Variants in ANXA8 observed in about 807,000 individuals in gnomAD.
ANXA8 encodes the protein VAC-beta.
A neutral mutation model predicts 26.8 loss-of-function variants in ANXA8; 9 were observed. The observed-to-expected ratio is 0.34, with a 90% confidence interval of 0.20 to 0.59. The LOEUF (loss-of-function observed/expected upper bound fraction) is 0.59. Ranked by LOEUF, ANXA8 falls within the 20% of genes least tolerant of loss-of-function variation. ANXA8 has a pLI of 0.84. For missense variants in ANXA8, 83 were observed against 238.5 expected (o/e 0.35, Z 4.29); for synonymous variants, 39 against 94.8 (o/e 0.41, Z 3.42).
At chr10:47,671,976 A>G in the ANXA8 span, among the ~76,000 whole-genome samples, 5 of 151,806 alleles carry the variant, frequency 3.3e-5, no homozygotes, top group South Asian at 6.2e-4. Flanking sequence ...TTTAATTAAT[A>G]TCTTTGAAAT....
At chr10:47,483,724 C>T (rs2132438036) in intron 1 of ANXA8, among the ~76,000 whole-genome samples, 189 bp downstream of exon 1, 1 of 147,870 alleles carries the variant, frequency 6.8e-6, no homozygotes, top group African/African-American at 2.6e-5. Flanking sequence ...CCCATCCCTG[C>T]CGTGGGCACT....
the ANXA8 span, among the ~76,000 whole-genome samples, chr10:47,969,444 C>A: frequency 6.8e-6 from 1 of 147,982 alleles, no homozygotes; most frequent in Non-Finnish European, 1.5e-5. Flanking sequence ...ATGGGCCTCA[C>A]GGGGCTAAAA....
the ANXA8 span, among the ~76,000 whole-genome samples, chr10:47,657,517 G>T: frequency 6.6e-6 from 1 of 151,772 alleles, no homozygotes; most frequent in South Asian, 2.1e-4. Context: ...AACCTACTTC[G>T]TTTCTTGAAA....
the ANXA8 span, among the ~76,000 whole-genome samples, chr10:47,562,795 T>C: frequency 1.4e-5 from 2 of 148,144 alleles, no homozygotes; most frequent in African/African-American, 5.0e-5. Flanking sequence ...CATCTTCAAA[T>C]TGAAAGAGGT....
At chr10:47,703,397 G>C in the ANXA8 span, among the ~76,000 whole-genome samples, 1 of 150,606 alleles carries the variant, frequency 6.6e-6, no homozygotes, top group South Asian at 2.1e-4. Context: ...GCAAAACCCT[G>C]TCTCTACAAA....
the ANXA8 span, among the ~76,000 whole-genome samples, chr10:47,623,765 A>G: frequency 9.0e-6 from 1 of 110,622 alleles, no homozygotes; most frequent in African/African-American, 3.5e-5. Context: ...CTTCATTAGC[A>G]GGTTGCATTT....
the ANXA8 span, among the ~76,000 whole-genome samples, chr10:47,779,088 G>GTT: frequency 1.4e-5 from 2 of 140,892 alleles, no homozygotes; most frequent in East Asian, 2.0e-4. Context: ...ACAAGCAATA[G>GTT]TTTTTTTTTT....
At chr10:47,666,906 C>G in the ANXA8 span, among the ~76,000 whole-genome samples, 1 of 151,994 alleles carries the variant, frequency 6.6e-6, no homozygotes, top group Non-Finnish European at 1.5e-5. Context: ...CTTGAATTTT[C>G]AGGTTAGAAC....
At chr10:47,564,416 GGT>G in the ANXA8 span, 1 of 1,039,128 alleles carries the variant, frequency 9.6e-7, no homozygotes, top group Non-Finnish European at 1.4e-6. Context: ...GCTCCAAGCT[GGT>G]GAAGTGGCGG....
At chr10:47,892,567 G>A in the ANXA8 span, among the ~76,000 whole-genome samples, 1 of 148,718 alleles carries the variant, frequency 6.7e-6, no homozygotes, top group Non-Finnish European at 1.5e-5. Context: ...CTAGTATCAG[G>A]TCCAACTAGG....
At chr10:47,952,548 G>T in the ANXA8 span, among the ~76,000 whole-genome samples, 2 of 113,688 alleles carry the variant, frequency 1.8e-5, no homozygotes, top group African/African-American at 7.0e-5. Context: ...CAAAATCTCT[G>T]TGTAAAAAAC....
At chr10:47,683,161 T>C in the ANXA8 span, among the ~76,000 whole-genome samples, 18 of 151,872 alleles carry the variant, frequency 1.2e-4, no homozygotes, top group African/African-American at 3.1e-4. Flanking sequence ...TTTCATAAGT[T>C]GCATAAAAAG....
At chr10:47,937,011 C>T in the ANXA8 span, among the ~76,000 whole-genome samples, 3 of 150,162 alleles carry the variant, frequency 2.0e-5, no homozygotes, top group Non-Finnish European at 4.5e-5. Flanking sequence ...CTTCAGCTTG[C>T]TAAAGGGAGG....
the ANXA8 span, among the ~76,000 whole-genome samples, chr10:47,948,466 T>TA: frequency 7.5e-6 from 1 of 133,138 alleles, no homozygotes. Context: ...AAATCTTAAA[T>TA]AAAAAAATTT....
At chr10:47,669,560 G>A in the ANXA8 span, among the ~76,000 whole-genome samples, 21 of 151,868 alleles carry the variant, frequency 1.4e-4, no homozygotes, top group African/African-American at 5.1e-4. Context: ...CTCTACTATA[G>A]AAAAATTAAC....
the ANXA8 span, among the ~76,000 whole-genome samples, chr10:47,663,371 G>C: frequency 7.1e-6 from 1 of 141,126 alleles, no homozygotes; most frequent in Non-Finnish European, 1.5e-5. Flanking sequence ...GTGAGATAAA[G>C]TCATTATAGT....
the ANXA8 span, chr10:47,689,586 T>C: frequency 1.4e-5 from 7 of 507,806 alleles, no homozygotes; most frequent in South Asian, 2.1e-4. Context: ...AAAAATCACC[T>C]ATGTTAATTA....
At chr10:47,556,876 A>C in the ANXA8 span, among the ~76,000 whole-genome samples, 18 of 149,082 alleles carry the variant, frequency 1.2e-4, no homozygotes, top group African/African-American at 4.4e-4. Context: ...GTCTTTTCAA[A>C]ATTTATTCAG....
the ANXA8 span, among the ~76,000 whole-genome samples, chr10:47,779,088 G>GTTT: frequency 7.1e-6 from 1 of 140,898 alleles, no homozygotes; most frequent in Non-Finnish European, 1.5e-5. Flanking sequence ...ACAAGCAATA[G>GTTT]TTTTTTTTTT....
Sources: gnomAD v4.1 joint callset for allele counts (sites outside exome capture counted in the v4.1 genomes callset) on GRCh38, gnomAD v4.1.1 for gene constraint, MANE v1.5 for transcripts, NCBI Gene and HGNC (gene_info 2026-07-23, HGNC 2026-07-21) for gene names.